Variants in SLC25A31 observed in about 807,000 individuals in gnomAD.
SLC25A31 encodes solute carrier family 25 member 31.
Under a neutral mutation model 36.2 loss-of-function variants are expected in SLC25A31, and 40 were observed. That is an observed-to-expected ratio of 1.10 (90% CI 0.86 to 1.44). The LOEUF is 1.44. Ranked by LOEUF, SLC25A31 falls within the 40% of genes most tolerant of loss-of-function variation. The probability of loss-of-function intolerance (pLI) is 0.00; values close to 1 mark genes in which losing one functional copy is unlikely to be tolerated. For synonymous variants in SLC25A31, 143 were observed against 149.7 expected (o/e 0.96, Z 0.32); for missense variants, 350 against 397.1 (o/e 0.88, Z 1.01).
At chr4:127,739,463 G>A (rs899406980) in intron 1 of SLC25A31, among the ~76,000 whole-genome samples, 3 of 152,200 alleles carry the variant, frequency 2.0e-5, no homozygotes, top group Non-Finnish European at 2.9e-5. Context: ...GAAGGCTACT[G>A]TTAGCTTGAT....
At chr4:127,749,084 A>G (rs1731874712) in intron 2 of SLC25A31, among the ~76,000 whole-genome samples, 1 of 152,198 alleles carries the variant, frequency 6.6e-6, no homozygotes, top group South Asian at 2.1e-4. Flanking sequence ...ATTAAAAAAA[A>G]AAAACAGAAC....
intron 2 of SLC25A31, among the ~76,000 whole-genome samples, chr4:127,753,954 G>T (rs1266067274): frequency 6.6e-6 from 1 of 151,956 alleles, no homozygotes; most frequent in Non-Finnish European, 1.5e-5. Flanking sequence ...CACATTAAAA[G>T]GATTATTTAT....
At chr4:127,751,175 C>G (rs1731924260) in intron 2 of SLC25A31, among the ~76,000 whole-genome samples, 1 of 152,140 alleles carries the variant, frequency 6.6e-6, no homozygotes, top group Non-Finnish European at 1.5e-5. Flanking sequence ...TCAAACTATA[C>G]TACAAGGCTA....
intron 1 of SLC25A31, among the ~76,000 whole-genome samples, chr4:127,740,883 A>C (rs1731720585): frequency 6.6e-6 from 1 of 152,220 alleles, no homozygotes. Flanking sequence ...CAGGCTGCTC[A>C]TCTAGGTGAG....
rs757295302 is a variant in SLC25A31 at position 127,773,599 on chromosome 4, A to C, written c.*25A>C. 1 of 1,523,130 alleles carries C rather than the reference A, an allele frequency of 6.6e-7. No homozygotes were observed. The highest frequency in any genetic ancestry group is 2.0e-4 in the Middle Eastern group (1 of 4,884). The allele number at this position is 1,523,130 out of a possible 1,614,324, so 94.4% of individuals were successfully genotyped here. A position where few individuals can be genotyped will look rare whatever the true frequency, so the allele number is the denominator to read the frequency against. On this transcript the variant is annotated 3_prime_UTR_variant, in exon 6 of 6. Transcript: ENST00000281154. ...ATCGGGAGAGTAAATTAAGAAATAC[A>C]TGGATTTAACTTGTTAAACATACAA...
At chr4:127,743,023 T>G (rs1265402378) in intron 1 of SLC25A31, among the ~76,000 whole-genome samples, 2 of 152,130 alleles carry the variant, frequency 1.3e-5, no homozygotes, top group African/African-American at 4.8e-5. Context: ...CTGTGATTTG[T>G]TTCTCCAGAA....
At chr4:127,747,462 C>T (rs1240453577) in intron 2 of SLC25A31, among the ~76,000 whole-genome samples, 1 of 152,084 alleles carries the variant, frequency 6.6e-6, no homozygotes, top group African/African-American at 2.4e-5. Flanking sequence ...CAAAACACTG[C>T]TCATAGAAAT....
intron 5 of SLC25A31, among the ~76,000 whole-genome samples, chr4:127,770,829 T>C (rs75538344): frequency 4.6e-5 from 7 of 152,108 alleles, no homozygotes; most frequent in African/African-American, 1.7e-4. Context: ...TTCTGAAGGC[T>C]ACAAGTCTGA....
At chr4:127,753,811 A>G (rs1478143434) in intron 2 of SLC25A31, among the ~76,000 whole-genome samples, 4 of 152,168 alleles carry the variant, frequency 2.6e-5, no homozygotes, top group East Asian at 3.8e-4. Flanking sequence ...GACTCATTTT[A>G]TGAGGTCAGC....
intron 2 of SLC25A31, among the ~76,000 whole-genome samples, chr4:127,758,146 C>T (rs1478213610): frequency 2.0e-5 from 3 of 152,142 alleles, no homozygotes; most frequent in African/African-American, 7.2e-5. Flanking sequence ...GTTACCCCAC[C>T]ACCCCCGGGT....
At chr4:127,738,465 G>T (rs1470918923) in intron 1 of SLC25A31, among the ~76,000 whole-genome samples, 1 of 152,150 alleles carries the variant, frequency 6.6e-6, no homozygotes, top group Non-Finnish European at 1.5e-5. Flanking sequence ...TTCTGTTGTG[G>T]TCAGAGTATG....
chr4:127,762,564 T>G lies in SLC25A31; in HGVS notation c.361-1679T>G, dbSNP rs147613725. Among the ~76,000 whole-genome samples, 48 of 152,264 alleles carry G rather than the reference T, an allele frequency of 3.2e-4. No individual in the cohort carries two copies. In the East Asian group the frequency reaches 8.3e-3, roughly 26 times the overall value. On this transcript the variant is annotated intron_variant, in intron 2 of 5. Transcript: ENST00000281154. Reference sequence around the variant, plus strand: ...ATTGTACGCTTTACATAGGTGAATTTTATGATATGTGAATTATACTTAGTA... The same window carrying G: ...ATTGTACGCTTTACATAGGTGAATTGTATGATATGTGAATTATACTTAGTA...
At chr4:127,737,797 A>G (rs1405062412) in intron 1 of SLC25A31, among the ~76,000 whole-genome samples, 3 of 151,546 alleles carry the variant, frequency 2.0e-5, no homozygotes, top group Non-Finnish European at 4.4e-5. Flanking sequence ...GGCCTCAAGC[A>G]GTCATCCATT....
At chr4:127,764,717 G>C (rs1002019490) in intron 3 of SLC25A31, among the ~76,000 whole-genome samples, 1 of 151,824 alleles carries the variant, frequency 6.6e-6, no homozygotes, top group Non-Finnish European at 1.5e-5. Context: ...GAGTCCCTTT[G>C]CCTCTATCCT....
chr4:127,736,882 T>C (rs950033831), intron 1 of SLC25A31, among the ~76,000 whole-genome samples: 2 of 152,244 alleles, frequency 1.3e-5, no homozygotes, highest in African/African-American at 4.8e-5. Flanking sequence ...TGGGATAAAC[T>C]TGCATTATGC....
At chr4:127,741,633 G>A (rs1394600971) in intron 1 of SLC25A31, among the ~76,000 whole-genome samples, 1 of 152,068 alleles carries the variant, frequency 6.6e-6, no homozygotes, top group African/African-American at 2.4e-5. Context: ...TTTTGCTGAG[G>A]ATTTTTGCAT....
At chr4:127,747,677 A>G (rs181745650) in intron 2 of SLC25A31, among the ~76,000 whole-genome samples, 4 of 152,310 alleles carry the variant, frequency 2.6e-5, no homozygotes, top group African/African-American at 4.8e-5. Flanking sequence ...AATGCATAGC[A>G]TAGTACCTTG....
intron 2 of SLC25A31, among the ~76,000 whole-genome samples, chr4:127,750,605 G>A (rs979505289): frequency 2.6e-5 from 4 of 152,138 alleles, no homozygotes; most frequent in Admixed American, 2.6e-4. Context: ...TGTAAAATGT[G>A]ATATCAGTAG....
chr4:127,766,599 G>A (rs1335022615), intron 3 of SLC25A31, among the ~76,000 whole-genome samples: 1 of 151,924 alleles, frequency 6.6e-6, no homozygotes, highest in African/African-American at 2.4e-5. Flanking sequence ...CTAGTCTCAA[G>A]TGATCTACCT....
Sources: gnomAD v4.1 joint callset for allele counts (sites outside exome capture counted in the v4.1 genomes callset) on GRCh38, gnomAD v4.1.1 for gene constraint, MANE v1.5 for transcripts, NCBI Gene and HGNC (gene_info 2026-07-23, HGNC 2026-07-21) for gene names.